SLC30A2: variants seen among roughly 807,000 people sequenced by gnomAD.
SLC30A2 encodes solute carrier family 30 member 2.
Under a neutral mutation model 39.6 loss-of-function variants are expected in SLC30A2, and 19 were observed. The ratio of observed to expected loss-of-function variants is 0.48; its 90% confidence interval spans 0.34 to 0.70. SLC30A2 has a LOEUF of 0.70. Among genes scored for constraint, SLC30A2 ranks in the 30% least tolerant of loss-of-function variants. SLC30A2 has a pLI of 0.01. For synonymous variants in SLC30A2, 195 were observed against 194.8 expected (o/e 1.00, Z -0.01); for missense variants, 387 against 479.4 (o/e 0.81, Z 1.80).
chr1:26,039,205 C>A lies in SLC30A2; in HGVS notation c.1074G>T (p.Ser358=). The change falls in exon 8 of 8, where the codon TCG becomes TCT. Residue 358 remains serine, a synonymous_variant. Coordinates refer to ENST00000374276, the MANE Select transcript of SLC30A2 (RefSeq NM_001004434.3). This position sits in a 1 kb window ranked among gnomAD's most constrained non-coding sequence, Gnocchi z 4.3. ...ATGCCTGACAGTCCTTCATGTCCTC[C>A]GAGTAGTCCTCGATCTGGATGGTCA... ...HTVTIQIEDY[S]EDMKDCQACQ... The A allele has an allele frequency of 6.2e-7, 1 of 1,614,116 alleles. No homozygotes were observed. The highest frequency in any genetic ancestry group is 8.5e-7 in the Non-Finnish European group (1 of 1,179,976).
intron 2 of SLC30A2, among the ~76,000 whole-genome samples, chr1:26,044,729 A>C (rs145476874): frequency 3.9e-5 from 6 of 152,262 alleles, no homozygotes; most frequent in African/African-American, 1.4e-4. Flanking sequence ...CCTTCTAGGA[A>C]TTCAGGCCTT....
chr1:26,044,284 A>T lies in SLC30A2; in HGVS notation c.418+14T>A, dbSNP rs2050434704. 1 of 1,612,196 alleles carries T rather than the reference A, an allele frequency of 6.2e-7. No individual in the cohort carries two copies. The highest frequency in any genetic ancestry group is 1.3e-5 in the African/African-American group (1 of 74,444). On this transcript the variant is annotated intron_variant, in intron 3 of 7. Coordinates refer to ENST00000374276, the MANE Select transcript of SLC30A2 (RefSeq NM_001004434.3). ...CTCTCTCAACCCCATCTCCAGCCAA[A>T]CCGCGATCCTCACCAGCTCTCTGCC...
At chr1:26,045,540 C>T in intron 1 of SLC30A2, 1 of 598,968 alleles carries the variant, frequency 1.7e-6, no homozygotes, top group Non-Finnish European at 2.9e-6. Context: ...GCACTTGGGA[C>T]ACAGGGCCTC....
In SLC30A2 at chr1:26,039,967, C is replaced by A. The variant is rs982076082; in HGVS notation, c.839-56G>T. On this transcript the variant is annotated intron_variant, in intron 6 of 7. Coordinates refer to ENST00000374276, the MANE Select transcript of SLC30A2 (RefSeq NM_001004434.3). The surrounding 1 kb of genome is among the most constrained non-coding windows in gnomAD (Gnocchi z 4.3). ...GGAAACTACCCCTCCCACGCCTGCCCATTGGTGCAGGGCTGGCTCCTGATC... is the reference window on the plus strand; with the variant it reads ...GGAAACTACCCCTCCCACGCCTGCCAATTGGTGCAGGGCTGGCTCCTGATC... The A allele has an allele frequency of 2.5e-5, 40 of 1,604,868 alleles. No homozygotes were observed. The South Asian group carries it at 2.9e-4, about 12-fold the overall frequency.
In SLC30A2 at chr1:26,043,447, C is replaced by T. The variant is rs779896941; in HGVS notation, c.523G>A (p.Gly175Arg). The T allele has an allele frequency of 3.0e-5, 48 of 1,614,040 alleles. 1 individual carries two copies. The highest frequency in any genetic ancestry group is 6.7e-5 in the East Asian group (3 of 44,894). ...RLISGDYEID[G>R]GTMLITSGCA... ...CCCGACGTGATCAGCATGGTCCCCC[C>T]GTCAATTTCATAGTCCCCAGAGATC... Residue 175 changes from glycine (G) to arginine (R), a missense_variant, in exon 4 of 8, where the codon GGG becomes AGG. Physicochemically the swap from Gly to Arg is moderately radical, Grantham distance 125 (BLOSUM62 -2). Coordinates refer to ENST00000374276, the MANE Select transcript of SLC30A2 (RefSeq NM_001004434.3).
chr1:26,044,199 G>A (rs1448417529), intron 3 of SLC30A2, 99 bp downstream of exon 3: 53 of 1,274,838 alleles, frequency 4.2e-5, no homozygotes, highest in Non-Finnish European at 5.8e-5. Context: ...CCTCACTCAG[G>A]GGAGGAAGGG....
intron 2 of SLC30A2, among the ~76,000 whole-genome samples, chr1:26,044,726 G>A (rs757212054): frequency 2.6e-5 from 4 of 152,230 alleles, no homozygotes; most frequent in South Asian, 2.1e-4. Flanking sequence ...TTCCCTTCTA[G>A]GAATTCAGGC....
Position 26,046,106 on chromosome 1 carries a change from C to G in SLC30A2, c.-210G>C, listed in dbSNP as rs1464428499. ...TCTGGCTCCGCGTGCCAAGCGCTCC[C>G]GTGTCTCGGGTCAGCCGCTGCGCCC... On this transcript the variant is annotated 5_prime_UTR_variant, in exon 1 of 8. Coordinates refer to ENST00000374276, the MANE Select transcript of SLC30A2 (RefSeq NM_001004434.3). The surrounding 1 kb of genome is among the most constrained non-coding windows in gnomAD (Gnocchi z 4.4). The G allele has an allele frequency of 2.3e-6, 3 of 1,298,908 alleles. No homozygotes were observed. The African/African-American group carries it at 4.7e-5, about 20-fold the overall frequency. 80.5% of individuals were successfully genotyped at this position (1,298,908 alleles called of 1,614,324 possible).
intron 2 of SLC30A2, 79 bp from the exon 3 acceptor site, chr1:26,044,523 C>G: frequency 7.1e-7 from 1 of 1,408,856 alleles, no homozygotes. Flanking sequence ...AGACCACAGG[C>G]TCTGGAAGAG....
chr1:26,043,276 A>G, intron 4 of SLC30A2, 122 bp downstream of exon 4: 1 of 1,051,182 alleles, frequency 9.5e-7, no homozygotes, highest in Admixed American at 2.1e-5. Context: ...ACCATTAGGG[A>G]AGTTCTGTCC....
intron 4 of SLC30A2, 63 bp downstream of exon 4, chr1:26,043,335 A>G: frequency 6.6e-7 from 1 of 1,519,700 alleles, no homozygotes; most frequent in Non-Finnish European, 9.1e-7. Flanking sequence ...CAAAGCAGAC[A>G]TAGGTGTGGG....
rs1381077190 is a variant in SLC30A2 at position 26,045,058 on chromosome 1, G to C, written c.210C>G (p.Ala70=). 7.4e-6 allele frequency: 12 copies of C among 1,614,102 alleles called. No homozygotes were observed. Among genetic ancestry groups the C allele is most frequent in the Non-Finnish European group, 1.0e-5 (12 of 1,180,058 alleles). ...DSHCDPKKGK[A]QRQLYVASAI... ...CAGAGGCTACATACAGCTGGCGCTG[G>C]GCCTTCCCCTTCTTGGGGTCACAGT... Residue 70 remains alanine, a synonymous_variant, in exon 2 of 8, where the codon GCC becomes GCG. Coordinates refer to ENST00000374276, the MANE Select transcript of SLC30A2 (RefSeq NM_001004434.3).
chr1:26,039,769 G>A lies in SLC30A2; in HGVS notation c.973+8C>T. The A allele has an allele frequency of 6.2e-7, 1 of 1,613,450 alleles. No individual in the cohort carries two copies. The highest frequency in any genetic ancestry group is 8.5e-7 in the Non-Finnish European group (1 of 1,179,748). The stretch of plus-strand genomic sequence containing the variant: ...TCCCACCCCACCCTGAGTGTCCCAA[G>A]CACTCACCAATGGCGATGTGGACAG... On this transcript the variant is annotated splice_region_variant and intron_variant, in intron 7 of 7. Coordinates refer to ENST00000374276, the MANE Select transcript of SLC30A2 (RefSeq NM_001004434.3). This position sits in a 1 kb window ranked among gnomAD's most constrained non-coding sequence, Gnocchi z 4.3.
At chr1:26,044,544 G>T in intron 2 of SLC30A2, 100 bp from the exon 3 acceptor site, 1 of 1,149,548 alleles carries the variant, frequency 8.7e-7, no homozygotes, top group Non-Finnish European at 1.2e-6. Flanking sequence ...GACATTCTGG[G>T]CTCAAGATCT....
chr1:26,043,682 T>A, intron 3 of SLC30A2, 131 bp from the exon 4 acceptor site: 1 of 853,518 alleles, frequency 1.2e-6, no homozygotes, highest in Non-Finnish European at 1.8e-6. Flanking sequence ...TGGGCTCTGC[T>A]GAAGGTATGG....
intron 3 of SLC30A2, 40 bp downstream of exon 3, chr1:26,044,258 T>C (rs1208303031): frequency 6.2e-7 from 1 of 1,607,102 alleles, no homozygotes; most frequent in Non-Finnish European, 8.5e-7. Flanking sequence ...TAACCCACCC[T>C]CTCTCTCAAC....
intron 4 of SLC30A2, among the ~76,000 whole-genome samples, 184 bp from the exon 5 acceptor site, chr1:26,042,892 A>T (rs1449661045): frequency 6.6e-6 from 1 of 152,256 alleles, no homozygotes; most frequent in Non-Finnish European, 1.5e-5. Flanking sequence ...GCCCAGCGCC[A>T]ATGCCAGGCT....
chr1:26,039,829 A>G lies in SLC30A2; in HGVS notation c.921T>C (p.His307=), dbSNP rs35925054. Residue 307 remains histidine, a synonymous_variant, in exon 7 of 8, where the codon CAT becomes CAC. Coordinates refer to ENST00000374276, the MANE Select transcript of SLC30A2 (RefSeq NM_001004434.3). The surrounding 1 kb of genome is among the most constrained non-coding windows in gnomAD (Gnocchi z 4.3). The part of the protein sequence containing the change: ...VEGVEALHSL[H]IWALTVAQPV... ...GCTGGGCCACCGTCAGTGCCCAGAT[A>G]TGCAGGCTGTGCAGGGCTTCTACCC... 6,260 of 1,614,018 alleles carry G rather than the reference A, an allele frequency of 3.9e-3. 19 individuals are homozygous for G. Among genetic ancestry groups the G allele is most frequent in the Non-Finnish European group, 4.9e-3 (5,829 of 1,179,988 alleles).
At chr1:26,044,587 G>A (rs2050437876) in intron 2 of SLC30A2, 143 bp from the exon 3 acceptor site, 3 of 751,814 alleles carry the variant, frequency 4.0e-6, no homozygotes, top group Non-Finnish European at 6.3e-6. Flanking sequence ...CGTGACAAGT[G>A]ACCTACTCTC....
Sources: gnomAD v4.1 joint callset for allele counts (sites outside exome capture counted in the v4.1 genomes callset) on GRCh38, gnomAD v4.1.1 for gene constraint, Gnocchi (gnomAD v3.1) non-coding constraint, MANE v1.5 for transcripts, NCBI Gene and HGNC (gene_info 2026-07-23, HGNC 2026-07-21) for gene names.